The following NRP1 variants were observed in gnomAD, a reference collection of about 807,000 sequenced individuals.
The protein encoded by NRP1 is neuropilin-1.
Under a neutral mutation model 106.7 loss-of-function variants are expected in NRP1, and 35 were observed. The observed-to-expected ratio is 0.33, with a 90% CI of 0.25 to 0.43. The LOEUF (loss-of-function observed/expected upper bound fraction) is 0.43. NRP1 is among the 20% of genes least tolerant of loss of function. The pLI is 1.00. For synonymous variants in NRP1, 437 were observed against 417.9 expected (o/e 1.05, Z -0.56); for missense variants, 1,024 against 1,170.4 (o/e 0.87, Z 1.83).
intron 2 of NRP1, among the ~76,000 whole-genome samples, chr10:33,305,925 C>G (rs139998287): frequency 7.2e-5 from 11 of 151,906 alleles, no homozygotes; most frequent in South Asian, 2.1e-4. Flanking sequence ...CATACCACCA[C>G]GCCCGGCTAA....
intron 2 of NRP1, among the ~76,000 whole-genome samples, chr10:33,316,369 G>A (rs1847037636): frequency 6.6e-6 from 1 of 152,204 alleles, no homozygotes; most frequent in Non-Finnish European, 1.5e-5. Context: ...CAGTAAAACA[G>A]AGACAAGGCA....
chr10:33,181,540 G>T (rs1441589241), intron 16 of NRP1, among the ~76,000 whole-genome samples: 5 of 152,186 alleles, frequency 3.3e-5, no homozygotes, highest in African/African-American at 1.2e-4. Flanking sequence ...TGTGAGTGAT[G>T]GTGGAGCAAG....
chr10:33,180,367 T>C lies in NRP1; in HGVS notation c.2483-2A>G. Reference sequence around the variant, plus strand: ...CACCTTCGTATCCTGGCGTGCTCCCTATGGAAAAAAACAATATTGTCTCCG... The same window carrying C: ...CACCTTCGTATCCTGGCGTGCTCCCCATGGAAAAAAACAATATTGTCTCCG... On this transcript the variant is annotated splice_acceptor_variant, in intron 16 of 16. Coordinates refer to ENST00000374867, the MANE Select transcript of NRP1 (RefSeq NM_003873.7). LOFTEE classifies it high-confidence loss of function. 6.4e-7 allele frequency: 1 copy of C among 1,573,110 alleles called. No individual in the cohort carries two copies. The highest frequency in any genetic ancestry group is 8.6e-7 in the Non-Finnish European group (1 of 1,156,986).
intron 6 of NRP1, among the ~76,000 whole-genome samples, chr10:33,240,161 G>T (rs1840903998): frequency 6.6e-6 from 1 of 152,132 alleles, no homozygotes; most frequent in Non-Finnish European, 1.5e-5. Flanking sequence ...AGGCAAGGAT[G>T]TCTGACACCT....
rs1330613852 is a variant in NRP1, at chr10:33,185,676, C to T, written c.2383G>A (p.Val795Met). Residue 795 changes from valine (V) to methionine (M), a missense_variant, in exon 15 of 17, where the codon GTG becomes ATG. Transcript: ENST00000374867. ...IGKGNLGGIAVDDISINNHIS... is the reference protein window; with the variant it reads ...IGKGNLGGIAMDDISINNHIS... ...TGGTTATTAATACTAATGTCATCCA[C>T]AGCAATCCCACCAAGGTTTCCTTTT... The T allele has an allele frequency of 6.2e-7, 1 of 1,614,166 alleles. No homozygotes were observed. Among genetic ancestry groups the T allele is most frequent in the Non-Finnish European group, 8.5e-7 (1 of 1,179,992 alleles).
At chr10:33,205,055 T>G (rs1837656276) in intron 10 of NRP1, among the ~76,000 whole-genome samples, 1 of 152,194 alleles carries the variant, frequency 6.6e-6, no homozygotes, top group Non-Finnish European at 1.5e-5. Flanking sequence ...TTCTTAAATG[T>G]AAGTGCTAGC....
chr10:33,258,321 T>C (rs1325086350), intron 4 of NRP1, among the ~76,000 whole-genome samples: 1 of 152,018 alleles, frequency 6.6e-6, no homozygotes, highest in East Asian at 1.9e-4. Context: ...CCTATTTGAG[T>C]TAGCGCAACA....
chr10:33,260,643 C>T (rs1394865840), intron 4 of NRP1, among the ~76,000 whole-genome samples: 2 of 152,142 alleles, frequency 1.3e-5, no homozygotes, highest in Admixed American at 1.3e-4. Flanking sequence ...TGTAAACCTC[C>T]ACCAATTTTT....
intron 2 of NRP1, among the ~76,000 whole-genome samples, chr10:33,277,560 C>T (rs1422758934): frequency 1.3e-5 from 2 of 152,254 alleles, no homozygotes; most frequent in Admixed American, 6.5e-5. Context: ...GCCTGAGCCT[C>T]AGGGCGTTGC....
chr10:33,252,994 TG>T (rs201425334), intron 6 of NRP1, among the ~76,000 whole-genome samples: 13 of 135,834 alleles, frequency 9.6e-5, no homozygotes, highest in Middle Eastern at 3.6e-3. Flanking sequence ...AATCATCTTG[TG>T]GTTTTTTTTT....
chr10:33,262,520 T>A (rs1355596199), intron 4 of NRP1, among the ~76,000 whole-genome samples: 1 of 151,872 alleles, frequency 6.6e-6, no homozygotes, highest in South Asian at 2.1e-4. Flanking sequence ...CTGGCCAACA[T>A]GGTGAAAACC....
chr10:33,232,359 T>G (rs1334468343), intron 6 of NRP1, among the ~76,000 whole-genome samples: 1 of 152,230 alleles, frequency 6.6e-6, no homozygotes, highest in Non-Finnish European at 1.5e-5. Context: ...ATATCATTAT[T>G]TCACAGCTGC....
intron 2 of NRP1, among the ~76,000 whole-genome samples, chr10:33,304,861 G>C (rs1846038941): frequency 6.6e-6 from 1 of 152,222 alleles, no homozygotes; most frequent in Non-Finnish European, 1.5e-5. Flanking sequence ...CACACGAGTA[G>C]AAATAGCGTA....
chr10:33,300,553 GA>G (rs1315276970), intron 2 of NRP1, among the ~76,000 whole-genome samples: 1 of 152,160 alleles, frequency 6.6e-6, no homozygotes, highest in African/African-American at 2.4e-5. Context: ...ATGCTGGTGG[GA>G]AAGGAAAATA....
In NRP1 at chr10:33,330,787, G is replaced by A; in HGVS notation, c.169C>T (p.Leu57=). The part of the protein sequence containing the change: ...SYHPSEKCEW[L]IQAPDPYQRI... ...TGGTATGGGTCCGGAGCCTGAATCA[G>A]CCATTCGCATTTTTCACTTGGGTGA... The change falls in exon 2 of 17, where the codon CTG becomes TTG. Residue 57 remains leucine (L), a synonymous_variant. Coordinates refer to ENST00000374867, the MANE Select transcript of NRP1 (RefSeq NM_003873.7). 6.2e-7 allele frequency: 1 copy of A among 1,613,878 alleles called. No homozygotes were observed.
chr10:33,296,993 G>GA (rs894648460), intron 2 of NRP1, among the ~76,000 whole-genome samples: 17 of 144,570 alleles, frequency 1.2e-4, no homozygotes, highest in East Asian at 1.0e-3. Flanking sequence ...CGTGCCAAAA[G>GA]AAAAAAAAAA....
At chr10:33,284,605 C>T (rs977679037) in intron 2 of NRP1, among the ~76,000 whole-genome samples, 2 of 152,022 alleles carry the variant, frequency 1.3e-5, no homozygotes, top group African/African-American at 4.8e-5. Context: ...TTCCCTAGAT[C>T]ATATTATTGT....
chr10:33,180,504 C>G, intron 16 of NRP1, 139 bp from the exon 17 acceptor site: 1 of 849,946 alleles, frequency 1.2e-6, no homozygotes. Context: ...TTGTTGGGAA[C>G]AGAAGTGTGG....
intron 6 of NRP1, among the ~76,000 whole-genome samples, chr10:33,242,871 G>A (rs545782144): frequency 3.6e-4 from 55 of 152,232 alleles, no homozygotes; most frequent in African/African-American, 1.2e-3. Context: ...CTGGATCCCT[G>A]GTGCTGCCTT....
Sources: gnomAD v4.1 joint callset for allele counts (sites outside exome capture counted in the v4.1 genomes callset) on GRCh38, gnomAD v4.1.1 for gene constraint, MANE v1.5 for transcripts, NCBI Gene and HGNC (gene_info 2026-07-23, HGNC 2026-07-21) for gene names.